Variants in COBL observed in about 807,000 individuals in gnomAD.
COBL encodes the protein protein cordon-bleu.
A neutral mutation model predicts 98.8 loss-of-function variants in COBL; 51 were observed. The ratio of observed to expected loss-of-function variants is 0.52; its 90% CI spans 0.41 to 0.65. The LOEUF is 0.65. Among genes scored for constraint, COBL ranks in the 30% least tolerant of loss-of-function variants. The pLI is 0.00. For missense variants in COBL, 1,617 were observed against 1,617.5 expected (o/e 1.00, Z 0.01); for synonymous variants, 634 against 651.7 (o/e 0.97, Z 0.41).
intron 7 of COBL, among the ~76,000 whole-genome samples, chr7:51,067,335 C>G (rs1347198979): frequency 6.6e-6 from 1 of 152,166 alleles, no homozygotes; most frequent in African/African-American, 2.4e-5. Context: ...ATATGTACAC[C>G]ATGTGTAGGC....
At chr7:51,185,586 C>G (rs1261162724) in intron 4 of COBL, among the ~76,000 whole-genome samples, 1 of 152,182 alleles carries the variant, frequency 6.6e-6, no homozygotes, top group East Asian at 1.9e-4. Flanking sequence ...CCAGGGCATA[C>G]AGATATGACA....
chr7:51,291,543 C>A (rs1016170400), intron 1 of COBL, among the ~76,000 whole-genome samples: 1 of 152,022 alleles, frequency 6.6e-6, no homozygotes, highest in Non-Finnish European at 1.5e-5. Context: ...GGCGGATCAC[C>A]TGAGATCAGG....
intron 2 of COBL, among the ~76,000 whole-genome samples, chr7:51,206,905 G>C (rs1033509379): frequency 6.6e-6 from 1 of 152,190 alleles, no homozygotes; most frequent in African/African-American, 2.4e-5. Flanking sequence ...TTTCTGTTAC[G>C]AAGGACAAGT....
chr7:51,257,305 A>C (rs1036324265), intron 1 of COBL, among the ~76,000 whole-genome samples: 9 of 152,198 alleles, frequency 5.9e-5, no homozygotes, highest in Non-Finnish European at 1.5e-5. Flanking sequence ...AACCTACATC[A>C]CACCAAGACT....
intron 1 of COBL, among the ~76,000 whole-genome samples, chr7:51,287,407 T>C (rs1262055370): frequency 6.6e-6 from 1 of 152,154 alleles, no homozygotes; most frequent in Non-Finnish European, 1.5e-5. Flanking sequence ...AGCCTTTAGG[T>C]AAATGCAAGT....
At chr7:51,253,217 C>CA (rs1306289445) in intron 1 of COBL, among the ~76,000 whole-genome samples, 106 of 151,662 alleles carry the variant, frequency 7.0e-4, no homozygotes, top group African/African-American at 2.5e-3. Flanking sequence ...GACTCCGTCT[C>CA]AAAAAAATAA....
intron 6 of COBL, among the ~76,000 whole-genome samples, chr7:51,108,557 GA>G (rs1796530789): frequency 6.6e-6 from 1 of 152,196 alleles, no homozygotes; most frequent in Non-Finnish European, 1.5e-5. Context: ...TGATTGTTTA[GA>G]AATCCTTATT....
intron 6 of COBL, among the ~76,000 whole-genome samples, chr7:51,123,402 G>C (rs1160260376): frequency 6.6e-6 from 1 of 152,194 alleles, no homozygotes; most frequent in Non-Finnish European, 1.5e-5. Flanking sequence ...TACAGAACAA[G>C]AGCCTTGTAT....
intron 2 of COBL, among the ~76,000 whole-genome samples, chr7:51,218,229 C>T (rs932464415): frequency 6.6e-6 from 1 of 152,222 alleles, no homozygotes; most frequent in Middle Eastern, 3.2e-3. Context: ...GTATGCACCC[C>T]TTTGCCAATT....
At chr7:51,289,025 T>C (rs954884474) in intron 1 of COBL, among the ~76,000 whole-genome samples, 5 of 152,114 alleles carry the variant, frequency 3.3e-5, no homozygotes, top group Admixed American at 2.0e-4. Context: ...TGCATAATGA[T>C]AGCACAGAGA....
rs542586104 is a variant in COBL, at chr7:51,133,739, C to T, written c.957+2419G>A. Among the ~76,000 whole-genome samples, 7 of 152,304 alleles carry T rather than the reference C, an allele frequency of 4.6e-5. No homozygotes were observed. In the South Asian group the frequency reaches 1.5e-3, roughly 32 times the overall value. The stretch of plus-strand genomic sequence containing the variant: ...ATCTGAGAAGAGCATTCGGTCACCT[C>T]CAGGCTCTAACACCTCTGGGAAAAC... On this transcript the variant is annotated intron_variant, in intron 6 of 12. Coordinates refer to ENST00000265136, the MANE Select transcript of COBL (RefSeq NM_015198.5).
chr7:51,018,891 CAAAAA>C lies in COBL; in HGVS notation c.3769-1328_3769-1324del, dbSNP rs11433270. ...GGGCAACAAGAGAGAAACTCCATCT[CAAAAA>C]AAAAAAAAAATATATATATATATAT... On this transcript the variant is annotated intron_variant, in intron 12 of 12. Coordinates refer to ENST00000265136, the MANE Select transcript of COBL (RefSeq NM_015198.5). Among the ~76,000 whole-genome samples, 29 of 6,830 alleles carry C rather than the reference CAAAAA, an allele frequency of 4.2e-3. 1 individual carries two copies. The highest frequency in any genetic ancestry group is 0.015 in the African/African-American group (27 of 1,808). The allele number at this position is 6,830 out of a possible 152,430, so 4.5% of individuals were successfully genotyped here.
intron 7 of COBL, chr7:51,065,498 C>T (rs989080248): frequency 3.0e-6 from 2 of 665,088 alleles, no homozygotes; most frequent in South Asian, 1.7e-5. Context: ...GCCGAATGCA[C>T]GCAGGAATGG....
intron 6 of COBL, among the ~76,000 whole-genome samples, chr7:51,129,368 C>T (rs1458493409): frequency 1.3e-5 from 2 of 151,856 alleles, no homozygotes; most frequent in Non-Finnish European, 2.9e-5. Context: ...CTAATCCCAT[C>T]ATGAGGTTCA....
At chr7:51,061,369 G>A (rs1791339631) in intron 7 of COBL, among the ~76,000 whole-genome samples, 2 of 152,068 alleles carry the variant, frequency 1.3e-5, no homozygotes, top group African/African-American at 4.8e-5. Context: ...AGTATTTTAA[G>A]TTACAGGATA....
chr7:51,312,773 G>C (rs1186032519), intron 1 of COBL, among the ~76,000 whole-genome samples: 1 of 152,160 alleles, frequency 6.6e-6, no homozygotes, highest in Non-Finnish European at 1.5e-5. Flanking sequence ...GAGGTCACGA[G>C]AAAACACAGG....
At position 51,043,663 on chromosome 7, in the gene COBL, A is replaced by C. The variant is rs376898542; in HGVS notation, c.1126T>G (p.Cys376Gly). Residue 376 changes from cysteine (C) to glycine (G), a missense_variant, in exon 8 of 13, where the codon TGC becomes GGC. By Grantham distance (159) the Cys-to-Gly change is radical. Transcript: ENST00000265136. ...ACCTGCGGGGCTCCATCCGGGCTGC[A>C]GTGGCTGCCAGACCCCAGGGGCAGG... ...VSLPLGSGSHCSPDGAPQVLS... is the reference protein window; with the variant it reads ...VSLPLGSGSHGSPDGAPQVLS... 33 of 1,614,012 alleles carry C rather than the reference A, an allele frequency of 2.0e-5. No homozygotes were observed. The African/African-American group carries it at 3.5e-4, about 17-fold the overall frequency.
rs1789397971 is a variant in COBL at position 51,043,431 on chromosome 7, TG to T, written c.1357del (p.Gln453ArgfsTer16). On this transcript the variant is annotated frameshift_variant, in exon 8 of 13. Transcript: ENST00000265136. LOFTEE classifies it high-confidence loss of function. Reference protein sequence around the residue: ...DLAGTPDLGPQKSPLWEKNGS... With the variant: ...DLAGTPDLGPXKSPLWEKNGS... ...ATTCTTCTCCCACAAGGGGCTCTTC[TG>T]GGGACCCAGGTCTGGGGTTCCAGCG... 1 of 1,614,106 alleles carries T rather than the reference TG, an allele frequency of 6.2e-7. No homozygotes were observed. Among genetic ancestry groups the T allele is most frequent in the Non-Finnish European group, 8.5e-7 (1 of 1,180,052 alleles).
At chr7:51,130,683 G>T (rs1214435077) in intron 6 of COBL, among the ~76,000 whole-genome samples, 1 of 152,162 alleles carries the variant, frequency 6.6e-6, no homozygotes, top group Non-Finnish European at 1.5e-5. Context: ...CCTCTCTGCG[G>T]AACAGGATCA....
Sources: gnomAD v4.1 joint callset for allele counts (sites outside exome capture counted in the v4.1 genomes callset) on GRCh38, gnomAD v4.1.1 for gene constraint, MANE v1.5 for transcripts, NCBI Gene and HGNC (gene_info 2026-07-23, HGNC 2026-07-21) for gene names.